The following KIRREL1 variants were observed in gnomAD, a reference collection of about 807,000 sequenced individuals.
The protein encoded by KIRREL1 is kin of IRRE-like protein 1.
A neutral mutation model predicts 83.3 loss-of-function variants in KIRREL1; 25 were observed. That is an observed-to-expected ratio of 0.30 (90% CI 0.22 to 0.42). KIRREL1 has a LOEUF of 0.42. Ranked by LOEUF, KIRREL1 falls within the 10% of genes least tolerant of loss-of-function variation. The pLI, the probability that KIRREL1 is intolerant of heterozygous loss-of-function variation, is 1.00. For missense variants in KIRREL1, 812 were observed against 1,032.3 expected (o/e 0.79, Z 2.92); for synonymous variants, 388 against 410.4 (o/e 0.95, Z 0.66).
At position 158,037,079 on chromosome 1, in the gene KIRREL1, C is replaced by T. The variant is rs570169187; in HGVS notation, c.53-39034C>T. Among the ~76,000 whole-genome samples, 8 of 152,284 alleles carry T rather than the reference C, an allele frequency of 5.3e-5. No homozygotes were observed. The South Asian group carries it at 8.3e-4, about 16-fold the overall frequency. On this transcript the variant is annotated intron_variant, in intron 1 of 14. Transcript: ENST00000359209. ...GAAATCCCAGAGGCTGCTGTGGGCC[C>T]ATGGGTGTCATGCAGCAGCGAGTCC...
chr1:158,021,340 A>C (rs920882615), intron 1 of KIRREL1, among the ~76,000 whole-genome samples: 4 of 152,238 alleles, frequency 2.6e-5, no homozygotes, highest in Non-Finnish European at 5.9e-5. Flanking sequence ...GCATGATGCC[A>C]AAATGACTCC....
chr1:158,010,460 C>CACACAG (rs1659654827), intron 1 of KIRREL1, among the ~76,000 whole-genome samples: 1 of 149,040 alleles, frequency 6.7e-6, no homozygotes. Flanking sequence ...CACACACACA[C>CACACAG]TGTCCTGAGA....
intron 1 of KIRREL1, among the ~76,000 whole-genome samples, chr1:158,006,673 G>A (rs1366212221): frequency 6.6e-6 from 1 of 152,216 alleles, no homozygotes; most frequent in Non-Finnish European, 1.5e-5. Context: ...TACCTGTCTA[G>A]TGTCCCCTTC....
chr1:158,055,665 C>T (rs574808802), intron 1 of KIRREL1, among the ~76,000 whole-genome samples: 2 of 152,292 alleles, frequency 1.3e-5, no homozygotes, highest in Non-Finnish European at 2.9e-5. Context: ...TTATATGTCG[C>T]CAGGGCTGCC....
At chr1:158,073,279 T>C (rs1256540024) in intron 1 of KIRREL1, among the ~76,000 whole-genome samples, 1 of 152,188 alleles carries the variant, frequency 6.6e-6, no homozygotes, top group Non-Finnish European at 1.5e-5. Flanking sequence ...ACTGAATTGC[T>C]TCAGTCAGGC....
chr1:157,998,781 C>T (rs918294452), intron 1 of KIRREL1, among the ~76,000 whole-genome samples: 8 of 152,198 alleles, frequency 5.3e-5, no homozygotes, highest in Non-Finnish European at 1.0e-4. Context: ...CCTTCTTAGC[C>T]TGTGCCCTGG....
At chr1:158,014,729 A>C (rs1371830203) in intron 1 of KIRREL1, among the ~76,000 whole-genome samples, 3 of 151,428 alleles carry the variant, frequency 2.0e-5, no homozygotes, top group African/African-American at 7.3e-5. Context: ...TAAATGGAAG[A>C]ACTTCTTGAC....
At chr1:158,025,086 A>G (rs1180292231) in intron 1 of KIRREL1, among the ~76,000 whole-genome samples, 1 of 152,160 alleles carries the variant, frequency 6.6e-6, no homozygotes, top group Non-Finnish European at 1.5e-5. Flanking sequence ...CTGACCCTGC[A>G]AACTGACCTG....
chr1:158,065,064 G>A (rs1661324585), intron 1 of KIRREL1, among the ~76,000 whole-genome samples: 1 of 151,876 alleles, frequency 6.6e-6, no homozygotes, highest in South Asian at 2.1e-4. Flanking sequence ...CAGAGTGCTT[G>A]CCTGGTATCA....
intron 1 of KIRREL1, among the ~76,000 whole-genome samples, chr1:158,011,694 G>T (rs1659691319): frequency 1.3e-5 from 2 of 152,200 alleles, no homozygotes; most frequent in African/African-American, 4.8e-5. Context: ...CTGGGCCACA[G>T]TGGGTTTTAA....
At chr1:158,057,858 G>A (rs1482950941) in intron 1 of KIRREL1, among the ~76,000 whole-genome samples, 1 of 152,224 alleles carries the variant, frequency 6.6e-6, no homozygotes, top group Non-Finnish European at 1.5e-5. Flanking sequence ...TTGGACCTCA[G>A]TGTCCTTATC....
At chr1:157,994,226 G>T (rs1401590781) in intron 1 of KIRREL1, among the ~76,000 whole-genome samples, 1 of 152,176 alleles carries the variant, frequency 6.6e-6, no homozygotes, top group East Asian at 1.9e-4. Flanking sequence ...GCCCCTCGGG[G>T]GTCTGAGTCT....
intron 1 of KIRREL1, among the ~76,000 whole-genome samples, chr1:157,997,067 T>A (rs1659226085): frequency 1.3e-5 from 2 of 152,230 alleles, no homozygotes; most frequent in South Asian, 2.1e-4. Context: ...TAATTTCTTT[T>A]ATCCTATAGT....
intron 3 of KIRREL1, 110 bp downstream of exon 3, chr1:158,078,250 T>TA: frequency 8.2e-7 from 1 of 1,224,382 alleles, no homozygotes; most frequent in African/African-American, 1.5e-5. Context: ...CCCTCTCTGT[T>TA]ACTGGCCTTA....
chr1:158,040,194 C>T (rs973965562), intron 1 of KIRREL1, among the ~76,000 whole-genome samples: 67 of 152,218 alleles, frequency 4.4e-4, no homozygotes, highest in African/African-American at 1.5e-3. Flanking sequence ...CAATTAACCA[C>T]AGTTATTGAG....
At chr1:158,002,733 G>C (rs1317639493) in intron 1 of KIRREL1, among the ~76,000 whole-genome samples, 1 of 152,174 alleles carries the variant, frequency 6.6e-6, no homozygotes, top group African/African-American at 2.4e-5. Flanking sequence ...TCCAGTGAGG[G>C]GGAGTGGAGC....
At chr1:158,034,269 C>CAAAAAAAAAA (rs750353894) in intron 1 of KIRREL1, among the ~76,000 whole-genome samples, 15 of 113,654 alleles carry the variant, frequency 1.3e-4, no homozygotes, top group African/African-American at 4.4e-4. Context: ...GACTCCGTCT[C>CAAAAAAAAAA]AAAAAAAAAA....
At position 158,093,677 on chromosome 1, in the gene KIRREL1, G is replaced by T. The variant is rs373226245; in HGVS notation, c.1634G>T (p.Arg545Leu). The T allele has an allele frequency of 6.2e-7, 1 of 1,614,056 alleles. No individual in the cohort carries two copies. The highest frequency in any genetic ancestry group is 8.5e-7 in the Non-Finnish European group (1 of 1,180,048). Residue 545 changes from arginine to leucine, a missense_variant, in exon 13 of 15, where the codon CGA becomes CTA. Arg to Leu is a moderately radical substitution (Grantham distance 102). This residue lies in a region of KIRREL1 where 334 missense variants were observed against 383.7 expected (regional missense o/e 0.87). Coordinates refer to ENST00000359209, the MANE Select transcript of KIRREL1 (RefSeq NM_018240.7). ...GATATCAAGGTGGAGACAGTGAACC[G>T]AGAGCCACTTACGATGCATTCTGAC... The part of the protein sequence containing the change: ...KLDIKVETVN[R>L]EPLTMHSDRE...
At chr1:158,093,525 G>A in intron 12 of KIRREL1, 79 bp downstream of exon 12, 1 of 1,602,138 alleles carries the variant, frequency 6.2e-7, no homozygotes, top group Non-Finnish European at 8.5e-7. Context: ...GGGGTGGATG[G>A]GAGGTTGGCC....
Sources: gnomAD v4.1 joint callset for allele counts (sites outside exome capture counted in the v4.1 genomes callset) on GRCh38, gnomAD v4.1.1 for gene constraint, gnomAD v4.1.1 regional missense constraint, MANE v1.5 for transcripts, NCBI Gene and HGNC (gene_info 2026-07-23, HGNC 2026-07-21) for gene names.